PDE8B: variants seen among roughly 807,000 people sequenced by gnomAD.
PDE8B encodes high affinity cAMP-specific and IBMX-insensitive 3',5'-cyclic phosphodiesterase 8B.
In PDE8B, 26 loss-of-function variants were observed where a neutral mutation model predicts 101.3. The ratio of observed to expected loss-of-function variants is 0.26; its 90% CI spans 0.19 to 0.36. The LOEUF (loss-of-function observed/expected upper bound fraction) is 0.36. Ranked by LOEUF, PDE8B falls within the 10% of genes least tolerant of loss-of-function variation. The pLI is 1.00. For synonymous variants in PDE8B, 424 were observed against 429.3 expected, an observed-to-expected ratio of 0.99 and a Z score of 0.15; for missense variants, 810 against 1,163.1, an observed-to-expected ratio of 0.70 and a Z score of 4.42.
intron 1 of PDE8B, among the ~76,000 whole-genome samples, chr5:77,216,631 GCTGAGAAACCAGGGTAGTTATGGGAAT>G (rs1181791249): frequency 5.9e-5 from 9 of 152,186 alleles, no homozygotes; most frequent in East Asian, 1.9e-4. Flanking sequence ...GTTATGGGAA[GCTGAGAAACCAGGGTAGTTATGGGAAT>G]CTGAGAAACC....
At chr5:77,391,847 G>C (rs1790012312) in intron 10 of PDE8B, among the ~76,000 whole-genome samples, 1 of 152,222 alleles carries the variant, frequency 6.6e-6, no homozygotes, top group Admixed American at 6.5e-5. Flanking sequence ...GAGGCGTTTT[G>C]ATTCAGAAAG....
chr5:77,322,722 T>A (rs185120421), intron 2 of PDE8B, among the ~76,000 whole-genome samples: 1 of 152,382 alleles, frequency 6.6e-6, no homozygotes, highest in African/African-American at 2.4e-5. Flanking sequence ...CACCCACTCC[T>A]GACCCCCTTA....
At chr5:77,225,374 C>T (rs748138442) in intron 1 of PDE8B, among the ~76,000 whole-genome samples, 30 of 152,290 alleles carry the variant, frequency 2.0e-4, no homozygotes, top group South Asian at 1.7e-3. Context: ...ATTGTCCTTA[C>T]TGATGCTCAG....
chr5:77,120,092 C>G, the PDE8B span, among the ~76,000 whole-genome samples: 3 of 151,896 alleles, frequency 2.0e-5, no homozygotes, highest in Admixed American at 1.3e-4. Flanking sequence ...GGAATATTGC[C>G]CAGCCATAAA....
chr5:77,362,184 A>C (rs1321256993), intron 10 of PDE8B, among the ~76,000 whole-genome samples: 2 of 152,358 alleles, frequency 1.3e-5, no homozygotes, highest in Admixed American at 1.3e-4. Context: ...TTCTAATGAA[A>C]TTGTATTTAC....
the PDE8B span, chr5:77,088,019 G>A: frequency 6.6e-6 from 1 of 152,264 alleles, no homozygotes; most frequent in Admixed American, 6.5e-5. Context: ...GGGTGGGGAA[G>A]TGTACCCCTC....
chr5:77,229,985 CTA>C (rs1410510145), intron 1 of PDE8B, among the ~76,000 whole-genome samples: 1 of 152,122 alleles, frequency 6.6e-6, no homozygotes, highest in Non-Finnish European at 1.5e-5. Context: ...TGTATGGTAA[CTA>C]TGTGTTTAAC....
chr5:77,303,068 A>G (rs1234696295), intron 1 of PDE8B, among the ~76,000 whole-genome samples: 2 of 152,244 alleles, frequency 1.3e-5, no homozygotes, highest in Non-Finnish European at 2.9e-5. Context: ...AATAAAAAGC[A>G]TGTGTAGAAT....
At chr5:77,349,398 G>C in intron 7 of PDE8B, 21 bp from the exon 8 acceptor site, 2 of 1,613,978 alleles carry the variant, frequency 1.2e-6, no homozygotes, top group Non-Finnish European at 1.7e-6. Flanking sequence ...GCACTGATCT[G>C]TACCAACCTC....
intron 10 of PDE8B, among the ~76,000 whole-genome samples, chr5:77,369,072 G>A (rs968149690): frequency 6.6e-6 from 1 of 151,910 alleles, no homozygotes; most frequent in Admixed American, 6.6e-5. Context: ...GCGTGGTGGT[G>A]CAGGCCTGTA....
the PDE8B span, among the ~76,000 whole-genome samples, chr5:77,181,362 A>C: frequency 2.0e-5 from 3 of 152,034 alleles, no homozygotes; most frequent in Admixed American, 6.6e-5. Flanking sequence ...GCCACTCTGA[A>C]CTTGGGGGCG....
At chr5:77,185,728 C>A in the PDE8B span, among the ~76,000 whole-genome samples, 3 of 152,126 alleles carry the variant, frequency 2.0e-5, no homozygotes, top group Admixed American at 6.5e-5. Flanking sequence ...CCTGTCCCCC[C>A]ACCCCCTGCC....
At chr5:77,302,262 A>G (rs538593328) in intron 1 of PDE8B, among the ~76,000 whole-genome samples, 1 of 152,338 alleles carries the variant, frequency 6.6e-6, no homozygotes, top group Admixed American at 6.5e-5. Context: ...TCTCACTGCC[A>G]TATTTTCCAG....
intron 13 of PDE8B, among the ~76,000 whole-genome samples, chr5:77,408,367 G>A (rs1294475800): frequency 6.7e-6 from 1 of 150,174 alleles, no homozygotes; most frequent in East Asian, 2.0e-4. Flanking sequence ...AACAGCTTTT[G>A]TCTTTGATTT....
chr5:77,278,273 G>C (rs1764228825), intron 1 of PDE8B, among the ~76,000 whole-genome samples: 1 of 152,108 alleles, frequency 6.6e-6, no homozygotes, highest in South Asian at 2.1e-4. Flanking sequence ...CTGACTTCTG[G>C]CTAAAGGGAA....
the PDE8B span, chr5:77,104,902 A>G: frequency 3.7e-4 from 56 of 152,304 alleles, no homozygotes; most frequent in African/African-American, 1.3e-3. Context: ...CACCTTAATC[A>G]AGACACAGAA....
the PDE8B span, among the ~76,000 whole-genome samples, chr5:77,092,844 C>A: frequency 6.6e-6 from 1 of 152,088 alleles, no homozygotes; most frequent in Non-Finnish European, 1.5e-5. Flanking sequence ...TGTTTGAGCT[C>A]AGGAGATGAA....
In PDE8B at chr5:77,400,304, A is replaced by G; in HGVS notation, c.1210+14A>G. The G allele has an allele frequency of 6.6e-7, 1 of 1,521,080 alleles. No individual in the cohort carries two copies. Among genetic ancestry groups the G allele is most frequent in the Non-Finnish European group, 9.1e-7 (1 of 1,095,308 alleles). 94.2% of individuals were successfully genotyped at this position (1,521,080 alleles called of 1,614,324 possible). A position where few individuals can be genotyped will look rare whatever the true frequency, so the allele number is the denominator to read the frequency against. On this transcript the variant is annotated intron_variant, in intron 11 of 21. Coordinates refer to ENST00000264917, the MANE Select transcript of PDE8B (RefSeq NM_003719.5). Reference sequence around the variant, plus strand: ...ATTCTCAGACAGGTGAGAATACTTCAATTGAACTCTAACATACTTAGGAGG... The same window carrying G: ...ATTCTCAGACAGGTGAGAATACTTCGATTGAACTCTAACATACTTAGGAGG...
At chr5:77,353,448 A>G (rs376753111) in intron 10 of PDE8B, 42 bp downstream of exon 10, 4 of 1,091,992 alleles carry the variant, frequency 3.7e-6, no homozygotes, top group African/African-American at 1.5e-5. Flanking sequence ...CTGTTTGGCC[A>G]TGCGTCACCT....
Sources: allele counts gnomAD v4.1 joint callset (sites outside exome capture counted in the v4.1 genomes callset), GRCh38; gene constraint gnomAD v4.1.1; transcripts MANE v1.5; gene names NCBI Gene and HGNC (gene_info 2026-07-23, HGNC 2026-07-21).